Variants in NRG1 observed in about 807,000 individuals in gnomAD.
The protein encoded by NRG1 is pro-neuregulin-1, membrane-bound isoform.
Under a neutral mutation model 63.8 loss-of-function variants are expected in NRG1, and 18 were observed. That is an observed-to-expected ratio of 0.28 (90% CI 0.19 to 0.42). The LOEUF (loss-of-function observed/expected upper bound fraction) is 0.42. Among genes scored for constraint, NRG1 ranks in the 10% least tolerant of loss-of-function variants. NRG1 has a pLI of 1.00. For synonymous variants in NRG1, 302 were observed against 301.3 expected (o/e 1.00, Z -0.02); for missense variants, 762 against 814.7 (o/e 0.94, Z 0.79).
At chr8:32,705,834 C>T (rs767659230) in intron 5 of NRG1, among the ~76,000 whole-genome samples, 32 of 152,184 alleles carry the variant, frequency 2.1e-4, no homozygotes, top group African/African-American at 6.5e-4. Context: ...CCCTACCTGC[C>T]GTTGCAATGA....
At chr8:32,072,373 T>TA (rs1356301424) in intron 1 of NRG1, among the ~76,000 whole-genome samples, 1 of 151,838 alleles carries the variant, frequency 6.6e-6, no homozygotes, top group East Asian at 1.9e-4. Context: ...GGAAATAAAG[T>TA]TATAAACTGT....
At chr8:32,459,610 A>G (rs1182898464) in intron 1 of NRG1, among the ~76,000 whole-genome samples, 1 of 151,986 alleles carries the variant, frequency 6.6e-6, no homozygotes, top group Non-Finnish European at 1.5e-5. Context: ...AATTAAAAAA[A>G]AAAAAAAAGA....
At chr8:32,337,650 T>C (rs1385108127) in intron 1 of NRG1, among the ~76,000 whole-genome samples, 4 of 14,576 alleles carry the variant, frequency 2.7e-4, no homozygotes, top group African/African-American at 1.1e-3. Flanking sequence ...AAAAGAGTTA[T>C]TGCAAAAAAA....
intron 1 of NRG1, among the ~76,000 whole-genome samples, chr8:31,718,362 G>A (rs903420714): frequency 6.6e-5 from 10 of 152,102 alleles, no homozygotes; most frequent in South Asian, 2.1e-4. Context: ...GGATTCGTTC[G>A]TATCAGGCAT....
intron 1 of NRG1, among the ~76,000 whole-genome samples, chr8:31,994,653 C>CA (rs59019886): frequency 0.022 from 1,385 of 62,286 alleles, 147 homozygotes; most frequent in African/African-American, 0.067. Flanking sequence ...TACTCTGTCT[C>CA]AAAAAAAAAA....
chr8:31,803,887 A>C (rs563821987), intron 1 of NRG1, among the ~76,000 whole-genome samples: 1 of 152,238 alleles, frequency 6.6e-6, no homozygotes, highest in South Asian at 2.1e-4. Flanking sequence ...ACACATTTCC[A>C]TCTCAGGGCC....
At chr8:32,431,313 A>G (rs1300543199) in intron 1 of NRG1, among the ~76,000 whole-genome samples, 1 of 152,160 alleles carries the variant, frequency 6.6e-6, no homozygotes, top group Non-Finnish European at 1.5e-5. Context: ...ACTCTAGCAA[A>G]TAGGTATCAG....
rs75309607 is a variant in NRG1, at chr8:31,693,536, A to C, written c.37+54105A>C. The stretch of plus-strand genomic sequence containing the variant: ...AATGCCTAGCAACATAGCAACCTCT[A>C]TGAAATGAGGCATATGCTGTTTCTA... On this transcript the variant is annotated intron_variant, in intron 1 of 10. Transcript: ENST00000519301. Among the ~76,000 whole-genome samples, 27 of 152,088 alleles carry C rather than the reference A, an allele frequency of 1.8e-4. 1 individual carries two copies. In the East Asian group the frequency reaches 5.2e-3, roughly 29 times the overall value.
chr8:31,851,045 A>T (rs1827164331), intron 1 of NRG1, among the ~76,000 whole-genome samples: 1 of 152,124 alleles, frequency 6.6e-6, no homozygotes, highest in Non-Finnish European at 1.5e-5. Flanking sequence ...ACATGAGTGG[A>T]AGTAAGGGGT....
At chr8:31,718,013 ATCTTTT>A (rs1812531932) in intron 1 of NRG1, among the ~76,000 whole-genome samples, 1 of 152,170 alleles carries the variant, frequency 6.6e-6, no homozygotes, top group African/African-American at 2.4e-5. Flanking sequence ...AACATGTTTG[ATCTTTT>A]TCTATCAGTC....
At chr8:32,232,011 C>T (rs1847010507) in intron 1 of NRG1, among the ~76,000 whole-genome samples, 1 of 152,070 alleles carries the variant, frequency 6.6e-6, no homozygotes, top group Non-Finnish European at 1.5e-5. Flanking sequence ...TCAAGTAATC[C>T]TCCCACCTCA....
intron 1 of NRG1, among the ~76,000 whole-genome samples, chr8:31,945,594 T>C (rs1315738289): frequency 6.6e-6 from 1 of 151,850 alleles, no homozygotes; most frequent in African/African-American, 2.4e-5. Context: ...AGATTTGGGA[T>C]TGAAAATAAG....
intron 1 of NRG1, among the ~76,000 whole-genome samples, chr8:32,189,534 C>G (rs552597690): frequency 1.3e-5 from 2 of 152,220 alleles, no homozygotes; most frequent in South Asian, 2.1e-4. Flanking sequence ...CCTTATTATC[C>G]TTATCTGTAG....
intron 1 of NRG1, among the ~76,000 whole-genome samples, chr8:31,683,535 A>G (rs1396657748): frequency 1.3e-5 from 2 of 152,096 alleles, no homozygotes; most frequent in Admixed American, 6.6e-5. Context: ...TTAGTGGTTT[A>G]GTGGGGAGGG....
chr8:31,772,700 C>CTTCT (rs1159185840), intron 1 of NRG1, among the ~76,000 whole-genome samples: 3 of 152,100 alleles, frequency 2.0e-5, no homozygotes, highest in African/African-American at 7.2e-5. Context: ...ATATTTTCTG[C>CTTCT]TTCCTTCCTT....
At chr8:32,298,906 A>C (rs1017508021) in intron 1 of NRG1, among the ~76,000 whole-genome samples, 1 of 150,456 alleles carries the variant, frequency 6.6e-6, no homozygotes, top group African/African-American at 2.4e-5. Context: ...ATGTACCTGT[A>C]GTCCCAGCTA....
chr8:32,006,323 G>A (rs1196031320), intron 1 of NRG1, among the ~76,000 whole-genome samples: 1 of 152,124 alleles, frequency 6.6e-6, no homozygotes, highest in East Asian at 1.9e-4. Context: ...TCCAGAAAGA[G>A]TATGACTAAA....
intron 1 of NRG1, among the ~76,000 whole-genome samples, chr8:32,554,793 A>G (rs932267193): frequency 6.6e-6 from 1 of 152,174 alleles, no homozygotes; most frequent in African/African-American, 2.4e-5. Context: ...TTCTGCCTCT[A>G]CATAAGAGCA....
intron 1 of NRG1, among the ~76,000 whole-genome samples, chr8:31,787,131 G>A (rs1411278438): frequency 6.6e-6 from 1 of 152,178 alleles, no homozygotes; most frequent in East Asian, 1.9e-4. Context: ...CAGGAAAGTG[G>A]ATGAAGACCA....
Sources: allele counts gnomAD v4.1 joint callset (sites outside exome capture counted in the v4.1 genomes callset), GRCh38; gene constraint gnomAD v4.1.1; transcripts MANE v1.5; gene names NCBI Gene and HGNC (gene_info 2026-07-23, HGNC 2026-07-21).